The following AARD variants were observed in gnomAD, a reference collection of about 807,000 sequenced individuals.
AARD encodes alanine and arginine rich domain containing protein.
AARD carries 9 observed loss-of-function variants against 9.3 expected under a neutral mutation model. The observed-to-expected ratio is 0.97, with a 90% CI of 0.58 to 1.69. The LOEUF (loss-of-function observed/expected upper bound fraction) is 1.69, where lower values mean the gene tolerates loss of function less well. Among genes scored for constraint, AARD ranks in the 40% most tolerant of loss-of-function variants. The probability of loss-of-function intolerance (pLI) is 0.00; values close to 1 mark genes in which losing one functional copy is unlikely to be tolerated. For synonymous variants in AARD, 91 were observed against 93.8 expected (o/e 0.97, Z 0.17); for missense variants, 236 against 210.3 (o/e 1.12, Z -0.76).
Position 116,942,888 on chromosome 8 carries a change from T to C in AARD, c.*187T>C, listed in dbSNP as rs1176494638. 1.9e-5 allele frequency: 7 copies of C among 377,764 alleles called. No individual in the cohort carries two copies. In the Admixed American group the frequency reaches 2.7e-4, roughly 15 times the overall value. 23.4% of individuals were successfully genotyped at this position (377,764 alleles called of 1,614,324 possible). On this transcript the variant is annotated 3_prime_UTR_variant, in exon 2 of 2. Coordinates refer to ENST00000378279, the MANE Select transcript of AARD (RefSeq NM_001025357.3). Reference sequence around the variant, plus strand: ...GGTGGCAGGCACCTGTAGTCCCTGCTACTCAGGAGTCTGAGGCAGGAGAAT... The same window carrying C: ...GGTGGCAGGCACCTGTAGTCCCTGCCACTCAGGAGTCTGAGGCAGGAGAAT...
At chr8:116,940,623 A>G (rs2130551375) in intron 1 of AARD, among the ~76,000 whole-genome samples, 1 of 152,312 alleles carries the variant, frequency 6.6e-6, no homozygotes, top group Admixed American at 6.5e-5. Flanking sequence ...ATATATTCCT[A>G]TACAAGTGTA....
rs575118752 is a variant in AARD, at chr8:116,938,485, A to AGGC, written c.262_264dup (p.Ala88dup). 7.9e-4 allele frequency: 1,237 copies of AGGC among 1,559,032 alleles called. 5 individuals carry two copies. The East Asian group carries it at 9.1e-3, about 11-fold the overall frequency. On this transcript the variant is annotated inframe_insertion, in exon 1 of 2. Coordinates refer to ENST00000378279, the MANE Select transcript of AARD (RefSeq NM_001025357.3). Reference sequence around the variant, plus strand: ...CGCGCGATCTCGAGGCGCGTGCAGGAGGCGGCGGCGGCGGCGGCGGCGCGG... The same window carrying AGGC: ...CGCGCGATCTCGAGGCGCGTGCAGGAGGCGGCGGCGGCGGCGGCGGCGGCGCGG...
chr8:116,942,161 T>C (rs1254573667), intron 1 of AARD, among the ~76,000 whole-genome samples: 1 of 152,162 alleles, frequency 6.6e-6, no homozygotes, highest in Non-Finnish European at 1.5e-5. Context: ...ATAGCACAGA[T>C]TCTGAATACT....
Position 116,938,758 on chromosome 8 carries a change from G to C in AARD, c.324+191G>C, listed in dbSNP as rs751670765. The C allele has an allele frequency of 2.5e-5, 20 of 807,236 alleles. 1 individual carries two copies. The highest frequency in any genetic ancestry group is 3.2e-5 in the Non-Finnish European group (18 of 569,004). The allele number at this position is 807,236 out of a possible 1,614,324, so 50.0% of individuals were successfully genotyped here. On this transcript the variant is annotated intron_variant, in intron 1 of 1. Coordinates refer to ENST00000378279, the MANE Select transcript of AARD (RefSeq NM_001025357.3). ...AGGGCCCTGCAGGACCCATGGTGGG[G>C]GGTGGGGGCGGGGGTGCCTGGTCTA...
At chr8:116,938,949 T>C (rs1452789240) in intron 1 of AARD, among the ~76,000 whole-genome samples, 3 of 152,240 alleles carry the variant, frequency 2.0e-5, no homozygotes, top group Non-Finnish European at 2.9e-5. Flanking sequence ...TCTTTCTTTA[T>C]GCCCCGCAAG....
rs2130549442 is a variant in AARD at position 116,938,530 on chromosome 8, G to A, written c.287G>A (p.Gly96Asp). The A allele has an allele frequency of 1.4e-6, 2 of 1,473,714 alleles. No homozygotes were observed. Among genetic ancestry groups the A allele is most frequent in the Non-Finnish European group, 1.8e-6 (2 of 1,122,876 alleles). 91.3% of individuals were successfully genotyped at this position (1,473,714 alleles called of 1,614,324 possible). A position where few individuals can be genotyped will look rare whatever the true frequency, so the allele number is the denominator to read the frequency against. The part of the protein sequence containing the change: ...AAAREEQSWT[G>D]VEATLARLRA... ...GCGCGGGAGGAGCAGAGCTGGACGG[G>A]CGTTGAGGCCACCCTGGCCAGGCTG... is the stretch of plus-strand genomic sequence containing the variant. Residue 96 changes from glycine to aspartate, a missense_variant, in exon 1 of 2, where the codon GGC becomes GAC. By Grantham distance (94) the Gly-to-Asp change is moderately conservative. Transcript: ENST00000378279.
In AARD at chr8:116,942,775, C is replaced by T. The variant is rs1442605748; in HGVS notation, c.*74C>T. 21 of 1,427,316 alleles carry T rather than the reference C, an allele frequency of 1.5e-5. No individual in the cohort carries two copies. Among genetic ancestry groups the T allele is most frequent in the South Asian group, 6.2e-5 (5 of 80,740 alleles). The allele number at this position is 1,427,316 out of a possible 1,614,324, so 88.4% of individuals were successfully genotyped here. A position where few individuals can be genotyped will look rare whatever the true frequency, so the allele number is the denominator to read the frequency against. On this transcript the variant is annotated 3_prime_UTR_variant, in exon 2 of 2. Transcript: ENST00000378279. ...CAGCACTTTGGGAGGCCGAGGCGGGCGGATCAAGACGTCAGGAGATTGAGA... is the reference window on the plus strand; with the variant it reads ...CAGCACTTTGGGAGGCCGAGGCGGGTGGATCAAGACGTCAGGAGATTGAGA...
At chr8:116,939,264 C>T (rs113302808) in intron 1 of AARD, among the ~76,000 whole-genome samples, 1,762 of 152,264 alleles carry the variant, frequency 0.012, 36 homozygotes, top group African/African-American at 0.041. Context: ...ATACAATTAA[C>T]CACTACTTTA....
At chr8:116,940,580 T>C (rs1374924130) in intron 1 of AARD, among the ~76,000 whole-genome samples, 2 of 152,242 alleles carry the variant, frequency 1.3e-5, no homozygotes, top group African/African-American at 4.8e-5. Flanking sequence ...TTTTCAATTT[T>C]CGGCTATTAA....
At chr8:116,942,437 C>G (rs1331238215) in intron 1 of AARD, 121 bp from the exon 2 acceptor site, 2 of 919,272 alleles carry the variant, frequency 2.2e-6, no homozygotes, top group African/African-American at 3.3e-5. Flanking sequence ...AGAAATACAT[C>G]TTCCTTGATA....
In AARD at chr8:116,942,639, T is replaced by C. The variant is rs1813757700; in HGVS notation, c.406T>C (p.Tyr136His). The C allele has an allele frequency of 1.2e-6, 2 of 1,613,226 alleles. No homozygotes were observed. The highest frequency in any genetic ancestry group is 1.7e-6 in the Non-Finnish European group (2 of 1,179,850). ...GAAAGTGCAGCAATTGAAAAAGGAG[T>C]ATGAACTGGAAATTACATCAGACTC... ...NMKVQQLKKE[Y>H]ELEITSDSQS... The change falls in exon 2 of 2, where the codon TAT becomes CAT. Residue 136 changes from tyrosine to histidine, a missense_variant. Transcript: ENST00000378279.
Position 116,942,827 on chromosome 8 carries a change from T to C in AARD, c.*126T>C. The C allele has an allele frequency of 1.1e-6, 1 of 890,728 alleles. No individual in the cohort carries two copies. Among genetic ancestry groups the C allele is most frequent in the Non-Finnish European group, 1.6e-6 (1 of 621,548 alleles). The allele number at this position is 890,728 out of a possible 1,614,324, so 55.2% of individuals were successfully genotyped here. On this transcript the variant is annotated 3_prime_UTR_variant, in exon 2 of 2. Transcript: ENST00000378279. The stretch of plus-strand genomic sequence containing the variant: ...CATCCTGGCTAACACTGTGAAACCC[T>C]GCCTCTACTAAAAATACAAAAAATT...
chr8:116,938,468 CTCGAG>C lies in AARD; in HGVS notation c.226_230del (p.Ser76AlafsTer21). On this transcript the variant is annotated frameshift_variant, in exon 1 of 2. Coordinates refer to ENST00000378279, the MANE Select transcript of AARD (RefSeq NM_001025357.3). LOFTEE classifies it high-confidence loss of function. ...TCCAGTGGGCGGTGCAGCGCGCGAT[CTCGAG>C]GCGCGTGCAGGAGGCGGCGGCGGCG... is the stretch of plus-strand genomic sequence containing the variant. The C allele has an allele frequency of 6.3e-7, 1 of 1,589,484 alleles. No homozygotes were observed. The highest frequency in any genetic ancestry group is 1.1e-5 in the South Asian group (1 of 88,660).
Position 116,938,448 on chromosome 8 carries a change from T to C in AARD, c.205T>C (p.Trp69Arg), listed in dbSNP as rs1554616466. 1.9e-6 allele frequency: 3 copies of C among 1,605,826 alleles called. No homozygotes were observed. The highest frequency in any genetic ancestry group is 3.4e-5 in the Admixed American group (2 of 59,196). Residue 69 changes from tryptophan to arginine, a missense_variant, in exon 1 of 2, where the codon TGG (tryptophan) becomes CGG (arginine). Coordinates refer to ENST00000378279, the MANE Select transcript of AARD (RefSeq NM_001025357.3). ...ACGACGGCTGACGCGCGCCTTCCAG[T>C]GGGCGGTGCAGCGCGCGATCTCGAG... ...LRRRLTRAFQ[W>R]AVQRAISRRV... is the part of the protein sequence containing the mutation.
chr8:116,938,333 T>G lies in AARD; in HGVS notation c.90T>G (p.Pro30=), dbSNP rs1161947671. The G allele has an allele frequency of 5.6e-6, 9 of 1,612,956 alleles. No homozygotes were observed. The highest frequency in any genetic ancestry group is 7.6e-6 in the Non-Finnish European group (9 of 1,179,916). ...GTAGAGCGGAGCTTTGGTTCCCACC[T>G]CGTCCCGCGTGCGACTTCTTCGGGG... is the stretch of plus-strand genomic sequence containing the variant. ...LPGRAELWFP[P]RPACDFFGDG... is the part of the protein sequence containing the mutation. Residue 30 remains proline, a synonymous_variant, in exon 1 of 2, where the codon CCT becomes CCG. Coordinates refer to ENST00000378279, the MANE Select transcript of AARD (RefSeq NM_001025357.3).
rs1400503549 is a variant in AARD, at chr8:116,942,556, A to G, written c.325-2A>G. 6.2e-7 allele frequency: 1 copy of G among 1,609,234 alleles called. No homozygotes were observed. The highest frequency in any genetic ancestry group is 2.2e-5 in the East Asian group (1 of 44,844). On this transcript the variant is annotated splice_acceptor_variant, in intron 1 of 1. Coordinates refer to ENST00000378279, the MANE Select transcript of AARD (RefSeq NM_001025357.3). LOFTEE classifies it high-confidence loss of function. ...AAATTTTTATTTTTTTCTAACTTTTAGGTGGAAATGCATTTCCAAAACCAC... is the reference window on the plus strand; with the variant it reads ...AAATTTTTATTTTTTTCTAACTTTTGGGTGGAAATGCATTTCCAAAACCAC...
Position 116,944,291 on chromosome 8 carries a change from G to A in AARD, c.*1590G>A, listed in dbSNP as rs1383945232. 1 of 152,094 alleles carries A rather than the reference G, an allele frequency of 6.6e-6. No individual in the cohort carries two copies. The highest frequency in any genetic ancestry group is 1.5e-5 in the Non-Finnish European group (1 of 68,042). The allele number at this position is 152,094 out of a possible 1,614,324, so 9.4% of individuals were successfully genotyped here. On this transcript the variant is annotated 3_prime_UTR_variant, in exon 2 of 2. Transcript: ENST00000378279. ...CTACTAAAAATACAAAAATTAGCCA[G>A]GCGTGGTGGTGCTCGCCTATAGTAC...
chr8:116,938,632 C>T, intron 1 of AARD, 65 bp downstream of exon 1: 1 of 1,378,114 alleles, frequency 7.3e-7, no homozygotes, highest in South Asian at 1.7e-5. Flanking sequence ...CCTCCAGCTG[C>T]AGAGCCGCTG....
rs988314977 is a variant in AARD, at chr8:116,943,798, C to A, written c.*1097C>A. 1 of 152,122 alleles carries A rather than the reference C, an allele frequency of 6.6e-6. No individual in the cohort carries two copies. Among genetic ancestry groups the A allele is most frequent in the Non-Finnish European group, 1.5e-5 (1 of 68,034 alleles). The allele number at this position is 152,122 out of a possible 1,614,324, so 9.4% of individuals were successfully genotyped here. A position where few individuals can be genotyped will look rare whatever the true frequency, so the allele number is the denominator to read the frequency against. Reference sequence around the variant, plus strand: ...TTATGTACATGAAATATTCTGATATCCTTCTCATAAAATCTCTTTTTGCCT... The same window carrying A: ...TTATGTACATGAAATATTCTGATATACTTCTCATAAAATCTCTTTTTGCCT... On this transcript the variant is annotated 3_prime_UTR_variant, in exon 2 of 2. Transcript: ENST00000378279.
Sources: gnomAD v4.1 joint callset for allele counts (sites outside exome capture counted in the v4.1 genomes callset) on GRCh38, gnomAD v4.1.1 for gene constraint, MANE v1.5 for transcripts, NCBI Gene and HGNC (gene_info 2026-07-23, HGNC 2026-07-21) for gene names.